Variants in DOCK9 observed in about 807,000 individuals in gnomAD.
DOCK9 encodes the protein dedicator of cytokinesis 9.
In DOCK9, 89 loss-of-function variants were observed where a neutral mutation model predicts 263.3. That is an observed-to-expected ratio of 0.34 (90% confidence interval 0.28 to 0.40). DOCK9 has a LOEUF of 0.40. Among genes scored for constraint, DOCK9 ranks in the 10% least tolerant of loss-of-function variants. DOCK9 has a pLI of 1.00. For synonymous variants in DOCK9, 976 were observed against 973.1 expected, an observed-to-expected ratio of 1.00 and a Z score of -0.06; for missense variants, 2,140 against 2,603.4, an observed-to-expected ratio of 0.82 and a Z score of 3.87.
intron 1 of DOCK9, among the ~76,000 whole-genome samples, chr13:99,023,697 C>G (rs1886388372): frequency 6.6e-6 from 1 of 152,186 alleles, no homozygotes; most frequent in Non-Finnish European, 1.5e-5. Flanking sequence ...CATTGTTTTC[C>G]TATCACTTCT....
chr13:99,011,252 A>G lies in DOCK9; in HGVS notation c.130-55701T>C, dbSNP rs138871047. Among the ~76,000 whole-genome samples, 421 of 152,334 alleles carry G rather than the reference A, an allele frequency of 2.8e-3. 2 individuals carry two copies. The highest frequency in any genetic ancestry group is 9.3e-3 in the African/African-American group (386 of 41,574). On this transcript the variant is annotated intron_variant, in intron 1 of 32. Coordinates refer to the DOCK9 transcript ENST00000427887. ...CAAAAGGATTTAAAGTTATTTACAT[A>G]TATACATAATAAAATTTAAAAGTAT...
chr13:99,034,318 CCCAAGAGGTGTAACT>C (rs1458383600), intron 1 of DOCK9, among the ~76,000 whole-genome samples: 4 of 151,896 alleles, frequency 2.6e-5, no homozygotes, highest in Non-Finnish European at 4.4e-5. Flanking sequence ...CAGTAGCACA[CCCAAGAGGTGTAACT>C]CCAAACTGAA....
chr13:99,016,457 T>C (rs1019853741), intron 1 of DOCK9, among the ~76,000 whole-genome samples: 1 of 152,084 alleles, frequency 6.6e-6, no homozygotes, highest in Non-Finnish European at 1.5e-5. Flanking sequence ...AGAACATGAA[T>C]AAAGGGCTAC....
intron 1 of DOCK9, among the ~76,000 whole-genome samples, chr13:99,077,461 T>C (rs1199127387): frequency 6.6e-6 from 1 of 152,162 alleles, no homozygotes; most frequent in Non-Finnish European, 1.5e-5. Context: ...TCTGCCATGA[T>C]TGTAAGTTTC....
chr13:98,848,602 A>G lies in DOCK9; in HGVS notation c.4051T>C (p.Tyr1351His). 1.9e-6 allele frequency: 3 copies of G among 1,612,330 alleles called. No individual in the cohort carries two copies. The highest frequency in any genetic ancestry group is 2.5e-6 in the Non-Finnish European group (3 of 1,179,398). Residue 1351 changes from tyrosine to histidine, a missense_variant, in exon 37 of 53, where the codon TAC becomes CAC. Tyr to His is a moderately conservative substitution (Grantham distance 83). Coordinates refer to ENST00000682017, the MANE Select transcript of DOCK9 (RefSeq NM_001366683.2). ...LHQFQYMGKR[Y>H]IARNQEGLGP... Reference sequence around the variant, plus strand: ...AACGCCCCACAGTACCTGGCTATGTATCGCTTCCCCATGTACTGGAACTGG... The same window carrying G: ...AACGCCCCACAGTACCTGGCTATGTGTCGCTTCCCCATGTACTGGAACTGG...
In DOCK9 at chr13:98,810,304, G is replaced by A. The variant is rs375119610; in HGVS notation, c.5131-13C>T. On this transcript the variant is annotated splice_polypyrimidine_tract_variant and intron_variant, in intron 45 of 52. Transcript: ENST00000682017. The stretch of plus-strand genomic sequence containing the variant: ...CCATCAGCACATCCTGATCAAAGAG[G>A]AGGGCCAACAGCAAGAGAAGAGCGT... 2 of 1,612,704 alleles carry A rather than the reference G, an allele frequency of 1.2e-6. No individual in the cohort carries two copies. Among genetic ancestry groups the A allele is most frequent in the African/African-American group, 2.7e-5 (2 of 74,922 alleles).
At chr13:99,082,556 TAAATAAATAAAA>T (rs139730757) in intron 1 of DOCK9, among the ~76,000 whole-genome samples, 55,764 of 123,798 alleles carry the variant, frequency 0.45, 11,177 homozygotes, top group East Asian at 0.67. Flanking sequence ...AATAAATAAA[TAAATAAATAAAA>T]AAAAACAGCT....
rs1386713306 is a variant in DOCK9 at position 98,798,698 on chromosome 13, CT to C, written c.5917-1210del. On this transcript the variant is annotated intron_variant, in intron 50 of 52. Coordinates refer to ENST00000682017, the MANE Select transcript of DOCK9 (RefSeq NM_001366683.2). The stretch of plus-strand genomic sequence containing the variant: ...CCAGTAAAGCTGCAGCGCCAGTGAG[CT>C]GCTTGATGAAACAATTACAGAAATA... 7.2e-5 allele frequency among the ~76,000 whole-genome samples: 11 copies of C among 152,324 alleles called. No homozygotes were observed. The East Asian group carries it at 2.1e-3, about 29-fold the overall frequency.
chr13:98,869,559 T>C (rs1243111435), intron 27 of DOCK9, among the ~76,000 whole-genome samples: 21 of 152,226 alleles, frequency 1.4e-4, no homozygotes, highest in Admixed American at 1.4e-3. Context: ...ATGCATTTAA[T>C]TCTAACAGCC....
At chr13:98,899,570 C>T (rs1047896974) in intron 13 of DOCK9, among the ~76,000 whole-genome samples, 4 of 152,052 alleles carry the variant, frequency 2.6e-5, no homozygotes, top group African/African-American at 9.7e-5. Flanking sequence ...TTCTTGCCTC[C>T]CTGGGTGGGG....
rs2052156740 is a variant in DOCK9 at position 98,922,259 on chromosome 13, C to T, written c.487-113G>A. On this transcript the variant is annotated intron_variant, in intron 5 of 52. Coordinates refer to ENST00000682017, the MANE Select transcript of DOCK9 (RefSeq NM_001366683.2). ...CTTTGTGCCAAGTTGTCCATTGCCC[C>T]TTTACTGAAGCACCCATTGACACCA... 9.9e-6 allele frequency: 7 copies of T among 709,438 alleles called. No individual in the cohort carries two copies. In the South Asian group the frequency reaches 1.3e-4, roughly 13 times the overall value. 43.9% of individuals were successfully genotyped at this position (709,438 alleles called of 1,614,324 possible).
At position 99,032,646 on chromosome 13, in the gene DOCK9, CAT is replaced by C. The variant is rs199643274; in HGVS notation, c.129+53575_129+53576del. Among the ~76,000 whole-genome samples the C allele has an allele frequency of 5.3e-3, 803 of 152,106 alleles. 1 individual carries two copies. The highest frequency in any genetic ancestry group is 7.9e-3 in the Non-Finnish European group (535 of 68,002). ...GACATAAATTTATTAATTTACATGACATAAATTTATTAATTTACATGACATAA... is the reference window on the plus strand; with the variant it reads ...GACATAAATTTATTAATTTACATGACAAATTTATTAATTTACATGACATAA... On this transcript the variant is annotated intron_variant, in intron 1 of 32. Transcript: ENST00000427887.
chr13:99,036,844 AT>A (rs1325121952), intron 1 of DOCK9, among the ~76,000 whole-genome samples: 3 of 152,036 alleles, frequency 2.0e-5, no homozygotes, highest in South Asian at 2.1e-4. Context: ...GGCCAATGGG[AT>A]TTTTTTTATA....
chr13:98,974,576 C>T (rs191867956), intron 1 of DOCK9, among the ~76,000 whole-genome samples: 6 of 151,854 alleles, frequency 4.0e-5, no homozygotes, highest in Admixed American at 2.0e-4. Context: ...ATGATGACAC[C>T]ACGTCTCTAC....
At chr13:98,970,126 C>G (rs537909634) in intron 1 of DOCK9, among the ~76,000 whole-genome samples, 4 of 143,194 alleles carry the variant, frequency 2.8e-5, no homozygotes, top group South Asian at 4.8e-4. Flanking sequence ...TCCCAAATAG[C>G]TAGGACTACA....
At chr13:99,030,029 T>C (rs1887167613) in intron 1 of DOCK9, among the ~76,000 whole-genome samples, 1 of 152,234 alleles carries the variant, frequency 6.6e-6, no homozygotes. Context: ...ATGCAAAGGC[T>C]ACCTACTGAG....
At chr13:99,030,698 C>G (rs548842878) in intron 1 of DOCK9, among the ~76,000 whole-genome samples, 8 of 152,246 alleles carry the variant, frequency 5.3e-5, no homozygotes, top group Non-Finnish European at 1.0e-4. Flanking sequence ...CATTATAAAA[C>G]CACAAAGCCT....
chr13:98,904,836 C>T (rs766061365), intron 9 of DOCK9, 130 bp from the exon 10 acceptor site: 60 of 717,550 alleles, frequency 8.4e-5, no homozygotes, highest in Non-Finnish European at 1.2e-4. Context: ...GTTGGAGAGC[C>T]GCTGTGTGTG....
intron 48 of DOCK9, among the ~76,000 whole-genome samples, chr13:98,807,038 C>T (rs907562162): frequency 1.3e-5 from 2 of 152,172 alleles, no homozygotes; most frequent in Admixed American, 1.3e-4. Flanking sequence ...GGAGTGAAAC[C>T]GTCTTGCCCC....
Sources: allele counts gnomAD v4.1 joint callset (sites outside exome capture counted in the v4.1 genomes callset), GRCh38; gene constraint gnomAD v4.1.1; transcripts MANE v1.5; gene names NCBI Gene and HGNC (gene_info 2026-07-23, HGNC 2026-07-21).